The following MCF2L2 variants were observed in gnomAD, a reference collection of about 807,000 sequenced individuals.
The protein encoded by MCF2L2 is probable guanine nucleotide exchange factor MCF2L2.
MCF2L2 carries 102 observed loss-of-function variants against 150.2 expected under a neutral mutation model. That is an observed-to-expected ratio of 0.68 (90% CI 0.58 to 0.80). The LOEUF is 0.80. Among genes scored for constraint, MCF2L2 ranks in the 30% least tolerant of loss-of-function variants. The pLI, the probability that MCF2L2 is intolerant of heterozygous loss-of-function variation, is 0.00. For missense variants in MCF2L2, 1,256 were observed against 1,372.8 expected (o/e 0.91, Z 1.34); for synonymous variants, 465 against 491.3 (o/e 0.95, Z 0.71).
intron 7 of MCF2L2, among the ~76,000 whole-genome samples, chr3:183,316,097 A>T (rs1404016291): frequency 2.0e-5 from 3 of 152,166 alleles, no homozygotes; most frequent in Admixed American, 2.0e-4. Context: ...TTGGTCAGGG[A>T]CCACCTGTGG....
At chr3:183,405,888 G>A in intron 1 of MCF2L2, among the ~76,000 whole-genome samples, 1 of 152,112 alleles carries the variant, frequency 6.6e-6, no homozygotes, top group Non-Finnish European at 1.5e-5. Context: ...GCTAATTTTT[G>A]TATTTTTAGC....
chr3:183,273,141 T>C (rs1440357054), intron 15 of MCF2L2: 1 of 677,558 alleles, frequency 1.5e-6, no homozygotes, highest in Non-Finnish European at 2.4e-6. Context: ...GCTATCTTTT[T>C]AAAAAATGTC....
intron 11 of MCF2L2, 97 bp from the exon 12 acceptor site, chr3:183,297,264 G>A (rs1728563523): frequency 9.6e-7 from 1 of 1,043,672 alleles, no homozygotes; most frequent in African/African-American, 1.6e-5. Flanking sequence ...TGTCTACAAG[G>A]ATTCCCAGAC....
chr3:183,408,362 C>A lies in MCF2L2; in HGVS notation c.77-18583G>T, dbSNP rs73886926. ...CTTATGTTTGCTTAATGTCTACCTCCCCATTAGACCGCAGGCTCCAGAAGG... is the reference window on the plus strand; with the variant it reads ...CTTATGTTTGCTTAATGTCTACCTCACCATTAGACCGCAGGCTCCAGAAGG... On this transcript the variant is annotated intron_variant, in intron 1 of 29. Coordinates refer to ENST00000328913, the MANE Select transcript of MCF2L2 (RefSeq NM_015078.4). 5.2e-3 allele frequency among the ~76,000 whole-genome samples: 785 copies of A among 152,320 alleles called. 11 individuals are homozygous for A. Among genetic ancestry groups the A allele is most frequent in the African/African-American group, 0.017 (727 of 41,564 alleles).
rs1308413124 is a variant in MCF2L2, at chr3:183,283,553, ACT to A, written c.1776+5565_1776+5566del. On this transcript the variant is annotated intron_variant, in intron 14 of 29. Transcript: ENST00000328913. This position sits in a 1 kb window ranked among gnomAD's most constrained non-coding sequence, Gnocchi z 4.2. ...TTTTTTTTTTTTTAGATGGAGTCTC[ACT>A]CTGTCACCCAGGCTGGAGAGCAGTG... Among the ~76,000 whole-genome samples the A allele has an allele frequency of 6.7e-6, 1 of 148,888 alleles. No individual in the cohort carries two copies. Among genetic ancestry groups the A allele is most frequent in the East Asian group, 2.0e-4 (1 of 5,086 alleles).
intron 15 of MCF2L2, among the ~76,000 whole-genome samples, chr3:183,251,633 T>C (rs2108384543): frequency 1.3e-5 from 2 of 152,202 alleles, no homozygotes; most frequent in Admixed American, 1.3e-4. Flanking sequence ...GTCAGCATCA[T>C]TATTATTACC....
chr3:183,370,993 A>G (rs901132711), intron 3 of MCF2L2, among the ~76,000 whole-genome samples: 2 of 152,034 alleles, frequency 1.3e-5, no homozygotes, highest in African/African-American at 4.8e-5. Flanking sequence ...GTGACTGTAC[A>G]CTCTGGATGT....
In MCF2L2 at chr3:183,190,322, GA is replaced by G. The variant is rs1213556322; in HGVS notation, c.3016+2676del. On this transcript the variant is annotated intron_variant, in intron 27 of 29. Transcript: ENST00000328913. ...CAACACGCCACTTAACACCAATAAT[GA>G]GGTCCTCATGGCCATTTGGCCTGCA... 2.0e-5 allele frequency among the ~76,000 whole-genome samples: 3 copies of G among 152,296 alleles called. No homozygotes were observed. In the East Asian group the frequency reaches 5.8e-4, roughly 29 times the overall value.
chr3:183,298,575 T>C (rs987765854), intron 11 of MCF2L2: 2 of 152,182 alleles, frequency 1.3e-5, no homozygotes, highest in Non-Finnish European at 2.9e-5. Context: ...ATGAGTAACC[T>C]TTTTCTTCCT....
chr3:183,364,668 G>A (rs1446320745), intron 3 of MCF2L2, among the ~76,000 whole-genome samples: 8 of 151,870 alleles, frequency 5.3e-5, no homozygotes, highest in Non-Finnish European at 1.2e-4. Flanking sequence ...AAAGAGAAGG[G>A]GAGGAAGGGG....
At position 183,180,136 on chromosome 3, in the gene MCF2L2, A is replaced by G. The variant is rs1488127815; in HGVS notation, c.3040T>C (p.Ser1014Pro). The G allele has an allele frequency of 1.2e-6, 2 of 1,613,608 alleles. No homozygotes were observed. Among genetic ancestry groups the G allele is most frequent in the Admixed American group, 1.7e-5 (1 of 60,004 alleles). The change falls in exon 28 of 30, where the codon TCC (serine) becomes CCC (proline). Residue 1014 changes from serine to proline, a missense_variant. Ser to Pro is a moderately conservative substitution (Grantham distance 74). Transcript: ENST00000328913. ...TCACAGTCTTCAAAGGTGTCCATGGAGCTAAACTCCCTGCTGGAGCAGCCT... is the reference window on the plus strand; with the variant it reads ...TCACAGTCTTCAAAGGTGTCCATGGGGCTAAACTCCCTGCTGGAGCAGCCT... ...IKGCSSREFS[S>P]MDTFEDCEGA...
chr3:183,179,722 G>T lies in MCF2L2; in HGVS notation c.3106-30C>A. On this transcript the variant is annotated intron_variant, in intron 28 of 29. Transcript: ENST00000328913. The surrounding 1 kb of genome is among the most constrained non-coding windows in gnomAD (Gnocchi z 4.2). ...AAGGGAGGGGACGGGTGCACCCTCA[G>T]AGTTATTGCTGGAGGCTGTGGCCAG... The T allele has an allele frequency of 6.3e-7, 1 of 1,579,604 alleles. No individual in the cohort carries two copies. The highest frequency in any genetic ancestry group is 8.7e-7 in the Non-Finnish European group (1 of 1,149,542).
intron 1 of MCF2L2, among the ~76,000 whole-genome samples, 168 bp downstream of exon 1, chr3:183,427,734 C>T (rs992174336): frequency 1.6e-4 from 24 of 152,044 alleles, no homozygotes; most frequent in African/African-American, 4.6e-4. Context: ...GGATGCCCCC[C>T]GCTGGGCACC....
chr3:183,180,483 CCT>C (rs1415728772), intron 27 of MCF2L2, among the ~76,000 whole-genome samples: 15 of 152,090 alleles, frequency 9.9e-5, no homozygotes, highest in Non-Finnish European at 1.0e-4. Flanking sequence ...TTCCTCCTCC[CCT>C]GTCTCTTTCT....
chr3:183,401,695 T>C (rs796854679), intron 1 of MCF2L2, among the ~76,000 whole-genome samples: 79 of 152,344 alleles, frequency 5.2e-4, no homozygotes, highest in African/African-American at 1.8e-3. Flanking sequence ...TAATACAGTA[T>C]TGATTCTTTT....
At chr3:183,316,158 A>C (rs543984198) in intron 7 of MCF2L2, among the ~76,000 whole-genome samples, 143 of 152,218 alleles carry the variant, frequency 9.4e-4, no homozygotes, top group Non-Finnish European at 1.7e-3. Flanking sequence ...AGGCACCTGG[A>C]CCCTGCTTTC....
intron 1 of MCF2L2, among the ~76,000 whole-genome samples, chr3:183,392,621 A>G (rs1199257746): frequency 6.6e-6 from 1 of 152,226 alleles, no homozygotes; most frequent in Admixed American, 6.5e-5. Flanking sequence ...TCTTCCTAGC[A>G]AAGGAGCCAC....
chr3:183,372,126 G>T (rs1411382266), intron 3 of MCF2L2: 1 of 151,910 alleles, frequency 6.6e-6, no homozygotes, highest in Non-Finnish European at 1.5e-5. Context: ...TGATTTGGGG[G>T]TCCTGAGATT....
At chr3:183,361,473 CATGAGATCTG>C (rs1352685917) in intron 3 of MCF2L2, among the ~76,000 whole-genome samples, 2 of 152,140 alleles carry the variant, frequency 1.3e-5, no homozygotes, top group East Asian at 1.9e-4. Flanking sequence ...AGTGAGTTCT[CATGAGATCTG>C]ATGGTTTAAA....
Sources: gnomAD v4.1 joint callset for allele counts (sites outside exome capture counted in the v4.1 genomes callset) on GRCh38, gnomAD v4.1.1 for gene constraint, Gnocchi (gnomAD v3.1) non-coding constraint, MANE v1.5 for transcripts, NCBI Gene and HGNC (gene_info 2026-07-23, HGNC 2026-07-21) for gene names.